The following IQCM variants were observed in gnomAD, a reference collection of about 807,000 sequenced individuals.
IQCM encodes the protein IQ domain-containing protein M.
In IQCM, 45 loss-of-function variants were observed where a neutral mutation model predicts 57.6. The ratio of observed to expected loss-of-function variants is 0.78; its 90% CI spans 0.62 to 1.00. The LOEUF (loss-of-function observed/expected upper bound fraction) is 1.00. Among genes scored for constraint, IQCM ranks in the 50% least tolerant of loss-of-function variants. The pLI is 0.00. For synonymous variants in IQCM, 148 were observed against 158.9 expected (o/e 0.93, Z 0.51); for missense variants, 468 against 511.6 (o/e 0.91, Z 0.82).
intron 12 of IQCM, among the ~76,000 whole-genome samples, chr4:149,546,833 C>T (rs1748491129): frequency 6.6e-6 from 1 of 152,046 alleles, no homozygotes; most frequent in Non-Finnish European, 1.5e-5. Context: ...AATTAGATCC[C>T]ATTTGTCAAT....
chr4:149,369,591 G>T (rs375458281), intron 13 of IQCM, among the ~76,000 whole-genome samples: 1 of 152,130 alleles, frequency 6.6e-6, no homozygotes, highest in Non-Finnish European at 1.5e-5. Flanking sequence ...ACAAGCAAGT[G>T]CTTAATTATT....
intron 12 of IQCM, among the ~76,000 whole-genome samples, chr4:149,481,702 T>TTTTG (rs1740852506): frequency 5.7e-5 from 7 of 123,650 alleles, no homozygotes; most frequent in African/African-American, 2.2e-4. Flanking sequence ...TCCAGTTTTG[T>TTTTG]TTTTTTTTTT....
rs184125321 is a variant in IQCM at position 149,517,015 on chromosome 4, A to T, written c.1228+31440T>A. On this transcript the variant is annotated intron_variant, in intron 12 of 13. Transcript: ENST00000636793. ...TAGGGCACCTCTTAGTATTACCATG[A>T]CCTGTGATTAAGGTCAATGGGAAAC... 8.0e-5 allele frequency among the ~76,000 whole-genome samples: 12 copies of T among 150,926 alleles called. No individual in the cohort carries two copies. The East Asian group carries it at 2.2e-3, about 27-fold the overall frequency.
At chr4:149,486,889 G>A (rs1741581150) in intron 12 of IQCM, among the ~76,000 whole-genome samples, 1 of 152,120 alleles carries the variant, frequency 6.6e-6, no homozygotes, top group South Asian at 2.1e-4. Context: ...CCTAGGCCTG[G>A]ACTCATAGAC....
At chr4:149,694,462 C>G (rs1763184628) in intron 5 of IQCM, among the ~76,000 whole-genome samples, 1 of 151,892 alleles carries the variant, frequency 6.6e-6, no homozygotes, top group African/African-American at 2.4e-5. Flanking sequence ...TTCTCAGATA[C>G]CGTAGATAAT....
intron 5 of IQCM, among the ~76,000 whole-genome samples, chr4:149,710,644 C>T (rs1300769016): frequency 6.6e-6 from 1 of 152,118 alleles, no homozygotes. Flanking sequence ...TGACAAAGCT[C>T]ATCCCAAAGC....
chr4:149,625,696 G>A (rs568451339), intron 7 of IQCM, among the ~76,000 whole-genome samples: 13 of 152,216 alleles, frequency 8.5e-5, no homozygotes, highest in African/African-American at 3.1e-4. Context: ...GAAGTTCCCG[G>A]GTTTTATTGC....
chr4:149,795,940 T>C (rs571529559), intron 2 of IQCM, among the ~76,000 whole-genome samples: 13 of 152,294 alleles, frequency 8.5e-5, no homozygotes, highest in Middle Eastern at 3.4e-3. Context: ...AGGAACTTCA[T>C]TGAGGGTCTT....
At chr4:149,452,158 CTGAA>C (rs1389700972) in intron 12 of IQCM, among the ~76,000 whole-genome samples, 1 of 151,508 alleles carries the variant, frequency 6.6e-6, no homozygotes, top group African/African-American at 2.4e-5. Context: ...GACTTGAACA[CTGAA>C]TGCTATAAAC....
intron 4 of IQCM, among the ~76,000 whole-genome samples, chr4:149,733,824 C>A (rs1163753507): frequency 6.6e-6 from 1 of 152,048 alleles, no homozygotes; most frequent in Non-Finnish European, 1.5e-5. Flanking sequence ...GGTTTCAAGT[C>A]TACTGTAAAA....
chr4:149,560,800 A>G (rs950255344), intron 10 of IQCM, among the ~76,000 whole-genome samples: 9 of 152,200 alleles, frequency 5.9e-5, no homozygotes, highest in African/African-American at 1.7e-4. Context: ...TCTAGCAGAC[A>G]CTGTCCACAG....
chr4:149,760,176 AGAGCAGCACAAAGGCAAT>A (rs1308671959), intron 2 of IQCM, among the ~76,000 whole-genome samples: 1 of 152,090 alleles, frequency 6.6e-6, no homozygotes, highest in African/African-American at 2.4e-5. Context: ...CAAACATTCA[AGAGCAGCACAAAGGCAAT>A]GGGTCTTACA....
chr4:149,541,454 T>C (rs1241850009), intron 12 of IQCM, among the ~76,000 whole-genome samples: 2 of 152,092 alleles, frequency 1.3e-5, no homozygotes, highest in East Asian at 1.9e-4. Context: ...TCTATTTACA[T>C]GTTGGAAAAA....
chr4:149,457,319 C>T (rs534257851), intron 12 of IQCM, among the ~76,000 whole-genome samples: 1 of 152,040 alleles, frequency 6.6e-6, no homozygotes, highest in Non-Finnish European at 1.5e-5. Context: ...ATTGTCCTCT[C>T]TAGCTTCCTC....
At chr4:149,591,145 A>C (rs1753122154) in intron 8 of IQCM, among the ~76,000 whole-genome samples, 1 of 152,004 alleles carries the variant, frequency 6.6e-6, no homozygotes, top group Admixed American at 6.6e-5. Context: ...CCACAGTTTA[A>C]CTGGTACCAA....
chr4:149,792,290 T>C (rs1772699671), intron 2 of IQCM, among the ~76,000 whole-genome samples: 1 of 152,124 alleles, frequency 6.6e-6, no homozygotes, highest in Non-Finnish European at 1.5e-5. Context: ...AAATATGCAT[T>C]TTTAACTACT....
intron 2 of IQCM, among the ~76,000 whole-genome samples, chr4:149,766,796 T>C (rs1561251249): frequency 6.6e-6 from 1 of 152,070 alleles, no homozygotes; most frequent in Non-Finnish European, 1.5e-5. Flanking sequence ...TTGACGAAAA[T>C]AGAAAATTTG....
intron 2 of IQCM, among the ~76,000 whole-genome samples, chr4:149,786,244 A>G (rs1365855411): frequency 2.0e-5 from 3 of 152,218 alleles, no homozygotes; most frequent in Non-Finnish European, 4.4e-5. Flanking sequence ...ATTTCTGGCA[A>G]TGAAGGAAGC....
At chr4:149,797,287 C>T (rs1234804583) in intron 2 of IQCM, among the ~76,000 whole-genome samples, 1 of 152,002 alleles carries the variant, frequency 6.6e-6, no homozygotes, top group Non-Finnish European at 1.5e-5. Flanking sequence ...ATGAAGACTG[C>T]ACCAGAGTTC....
Sources: allele counts gnomAD v4.1 joint callset (sites outside exome capture counted in the v4.1 genomes callset), GRCh38; gene constraint gnomAD v4.1.1; transcripts MANE v1.5; gene names NCBI Gene and HGNC (gene_info 2026-07-23, HGNC 2026-07-21).